SUN2: variants seen among roughly 807,000 people sequenced by gnomAD.
The protein encoded by SUN2 is Sad1 and UNC84 domain containing 2.
Under a neutral mutation model 100.0 loss-of-function variants are expected in SUN2, and 60 were observed. That is an observed-to-expected ratio of 0.60 (90% CI 0.49 to 0.74). SUN2 has a LOEUF of 0.74. Among genes scored for constraint, SUN2 ranks in the 30% least tolerant of loss-of-function variants. SUN2 has a pLI of 0.00. For synonymous variants in SUN2, 367 were observed against 403.3 expected, an observed-to-expected ratio of 0.91 and a Z score of 1.08; for missense variants, 834 against 954.6, an observed-to-expected ratio of 0.87 and a Z score of 1.66.
In SUN2 at chr22:38,735,303, A is replaced by G. The variant is rs1336229385; in HGVS notation, c.*964T>C. On this transcript the variant is annotated 3_prime_UTR_variant, in exon 18 of 18. Transcript: ENST00000689035. ...AGCCTGAGCGGACGACCCCTACATC[A>G]GGGCCTGGTTAGATGTGGGGGCCGG... The G allele has an allele frequency of 2.2e-6, 1 of 450,646 alleles. No individual in the cohort carries two copies. The highest frequency in any genetic ancestry group is 4.4e-6 in the Non-Finnish European group (1 of 224,956). 27.9% of individuals were successfully genotyped at this position (450,646 alleles called of 1,614,324 possible).
Position 38,741,045 on chromosome 22 carries a change from G to T in SUN2, c.1152C>A (p.Ser384=). 1.9e-6 allele frequency: 3 copies of T among 1,596,946 alleles called. No individual in the cohort carries two copies. Among genetic ancestry groups the T allele is most frequent in the East Asian group, 2.3e-5 (1 of 44,322 alleles). Residue 384 remains serine (S), a synonymous_variant, in exon 11 of 18, where the codon TCC becomes TCA. Transcript: ENST00000689035. ...FKKIVRASQE[S]EARIQQLKSE... Reference sequence around the variant, plus strand: ...ACTTCAGCTGCTGGATGCGAGCCTCGGACTCCTGTGTAGGAAGAAGGGACA... The same window carrying T: ...ACTTCAGCTGCTGGATGCGAGCCTCTGACTCCTGTGTAGGAAGAAGGGACA...
Position 38,750,297 on chromosome 22 carries a change from T to C in SUN2, c.448A>G (p.Ser150Gly). Reference sequence around the variant, plus strand: ...GCGCTTCGGAGCCGCGAGCTGGAACTCTGCTGGTCCACATCCGAGTAGCCT... The same window carrying C: ...GCGCTTCGGAGCCGCGAGCTGGAACCCTGCTGGTCCACATCCGAGTAGCCT... ...YVGYSDVDQQSSSSRLRSAVS... is the reference protein window; with the variant it reads ...YVGYSDVDQQGSSSRLRSAVS... The change falls in exon 5 of 18, where the codon AGT becomes GGT. Residue 150 changes from serine to glycine, a missense_variant. By Grantham distance (56) the Ser-to-Gly change is moderately conservative. Around this residue, in one of 3 missense-constraint regions of SUN2, gnomAD observed 559 missense variants for 597.7 expected, o/e 0.94. Coordinates refer to ENST00000689035, the MANE Select transcript of SUN2 (RefSeq NM_015374.3). 6.2e-7 allele frequency: 1 copy of C among 1,613,934 alleles called. No individual in the cohort carries two copies. Among genetic ancestry groups the C allele is most frequent in the Non-Finnish European group, 8.5e-7 (1 of 1,180,002 alleles).
chr22:38,742,707 G>A (rs896248739), intron 8 of SUN2, 152 bp from the exon 9 acceptor site: 2 of 1,024,570 alleles, frequency 2.0e-6, no homozygotes, highest in East Asian at 5.4e-5. Flanking sequence ...GGAGCTCGTG[G>A]GCAGGGGCTG....
chr22:38,735,165 C>T lies in SUN2; in HGVS notation c.*1102G>A, dbSNP rs1418421444. ...TCTAAAAGTCCCCTCCTCCCCCTTC[C>T]CTATCCAGGGTAACTTCTGCCAGCC... On this transcript the variant is annotated 3_prime_UTR_variant, in exon 18 of 18. Transcript: ENST00000689035. The T allele has an allele frequency of 2.3e-6, 1 of 442,842 alleles. No individual in the cohort carries two copies. The highest frequency in any genetic ancestry group is 7.0e-5 in the East Asian group (1 of 14,248). 27.4% of individuals were successfully genotyped at this position (442,842 alleles called of 1,614,324 possible).
At chr22:38,742,583 G>A (rs2092868803) in intron 8 of SUN2, 28 bp from the exon 9 acceptor site, 1 of 1,591,554 alleles carries the variant, frequency 6.3e-7, no homozygotes, top group Non-Finnish European at 8.6e-7. Context: ...GAGCCACGGA[G>A]TGAGGGACCC....
intron 8 of SUN2, among the ~76,000 whole-genome samples, chr22:38,744,865 C>T (rs181798095): frequency 6.6e-6 from 1 of 152,324 alleles, no homozygotes; most frequent in East Asian, 1.9e-4. Flanking sequence ...GTTATGCTGA[C>T]TGCAGGCTCC....
In SUN2 at chr22:38,752,613, G is replaced by A; in HGVS notation, c.16C>T (p.Gln6Ter). The A allele has an allele frequency of 6.2e-7, 1 of 1,613,842 alleles. No homozygotes were observed. The highest frequency in any genetic ancestry group is 8.5e-7 in the Non-Finnish European group (1 of 1,179,958). ...CCCTGGGAGTAGCGCGTGAGGCGCTGGCTTCTTCGGGACATGATGAGGTGG... is the reference window on the plus strand; with the variant it reads ...CCCTGGGAGTAGCGCGTGAGGCGCTAGCTTCTTCGGGACATGATGAGGTGG... MSRRS[Q>*]RLTRYSQGDD... Residue 6 changes from glutamine (Q) to a stop codon, truncating the protein, a stop_gained, in exon 2 of 18, where the codon CAG becomes TAG. Coordinates refer to ENST00000689035, the MANE Select transcript of SUN2 (RefSeq NM_015374.3). LOFTEE classifies it high-confidence loss of function.
rs139611023 is a variant in SUN2, at chr22:38,752,601, G to A, written c.28C>T (p.Arg10Cys). The A allele has an allele frequency of 1.6e-4, 259 of 1,613,948 alleles. No homozygotes were observed. In the African/African-American group the frequency reaches 1.9e-3, roughly 12 times the overall value. Residue 10 changes from arginine (R) to cysteine (C), a missense_variant, in exon 2 of 18, where the codon CGC becomes TGC. By Grantham distance (180) the Arg-to-Cys change is radical (BLOSUM62 -3). Around this residue, in one of 3 missense-constraint regions of SUN2, gnomAD observed 559 missense variants for 597.7 expected, o/e 0.94. Transcript: ENST00000689035. ...CCGTCATCGTCACCCTGGGAGTAGC[G>A]CGTGAGGCGCTGGCTTCTTCGGGAC... MSRRSQRLT[R>C]YSQGDDDGSS...
At position 38,750,235 on chromosome 22, in the gene SUN2, G is replaced by A; in HGVS notation, c.510C>T (p.Ala170=). 1.2e-6 allele frequency: 2 copies of A among 1,610,778 alleles called. No individual in the cohort carries two copies. Among genetic ancestry groups the A allele is most frequent in the Non-Finnish European group, 1.7e-6 (2 of 1,177,366 alleles). ...CGGGTTGCAGCCCACCTGGCGAAGT[G>A]GCCACCATCCAGAGTAAGGAGCCCG... ...SRAGSLLWMV[A]TSPGRLFRLL... The change falls in exon 5 of 18, where the codon GCC becomes GCT. Residue 170 remains alanine, a synonymous_variant. Transcript: ENST00000689035.
intron 1 of SUN2, among the ~76,000 whole-genome samples, chr22:38,752,901 T>A (rs1603231745): frequency 6.6e-6 from 1 of 152,240 alleles, no homozygotes; most frequent in Non-Finnish European, 1.5e-5. Flanking sequence ...ACTTCGTGAC[T>A]CTGGAGCCTC....
Position 38,740,461 on chromosome 22 carries a change from C to T in SUN2, c.1191-29G>A, listed in dbSNP as rs765630499. 18 of 1,445,444 alleles carry T rather than the reference C, an allele frequency of 1.2e-5. No individual in the cohort carries two copies. In the South Asian group the frequency reaches 2.3e-4, roughly 19 times the overall value. 89.5% of individuals were successfully genotyped at this position (1,445,444 alleles called of 1,614,324 possible). A position where few individuals can be genotyped will look rare whatever the true frequency, so the allele number is the denominator to read the frequency against. On this transcript the variant is annotated intron_variant, in intron 11 of 17. Transcript: ENST00000689035. This position sits in a 1 kb window ranked among gnomAD's most constrained non-coding sequence, Gnocchi z 4.8. ...GTCCCAGAGAGAGAAGAGTAAGCCT[C>T]GGATCTCTTTGGTGGGAGGTAAGGC...
In SUN2 at chr22:38,738,888, G is replaced by C. The variant is rs2092830212; in HGVS notation, c.1764C>G (p.Pro588=). 1 of 1,607,092 alleles carries C rather than the reference G, an allele frequency of 6.2e-7. No individual in the cohort carries two copies. Among genetic ancestry groups the C allele is most frequent in the Non-Finnish European group, 8.5e-7 (1 of 1,175,194 alleles). Residue 588 remains proline, a synonymous_variant, in exon 15 of 18, where the codon CCC becomes CCG. Transcript: ENST00000689035. The surrounding 1 kb of genome is among the most constrained non-coding windows in gnomAD (Gnocchi z 6.6). The part of the protein sequence containing the change: ...GIPLWYHSQS[P]RVILQPDVHP... ...AGGTGCCCACCTGGAGGATGACTCG[G>C]GGTGACTGGGAGTGGTACCACAGGG...
chr22:38,745,189 CA>C, intron 8 of SUN2: 1 of 471,112 alleles, frequency 2.1e-6, no homozygotes, highest in Non-Finnish European at 4.4e-6. Context: ...GCCGGGTGAG[CA>C]AAGTGCACAT....
In SUN2 at chr22:38,740,517, G is replaced by A; in HGVS notation, c.1191-85C>T. 2 of 1,375,608 alleles carry A rather than the reference G, an allele frequency of 1.5e-6. No individual in the cohort carries two copies. Among genetic ancestry groups the A allele is most frequent in the Non-Finnish European group, 9.5e-7 (1 of 1,048,380 alleles). The allele number at this position is 1,375,608 out of a possible 1,614,324, so 85.2% of individuals were successfully genotyped here. A position where few individuals can be genotyped will look rare whatever the true frequency, so the allele number is the denominator to read the frequency against. ...CAAAGATGAAAGAGGACCCCCTAGT[G>A]GGCTCCCGTCAGGAGAGCGGGTGCC... On this transcript the variant is annotated intron_variant, in intron 11 of 17. Transcript: ENST00000689035. The surrounding 1 kb of genome is among the most constrained non-coding windows in gnomAD (Gnocchi z 4.8).
intron 3 of SUN2, 63 bp from the exon 4 acceptor site, chr22:38,751,098 G>A (rs762460558): frequency 1.5e-5 from 24 of 1,610,180 alleles, no homozygotes; most frequent in Non-Finnish European, 1.9e-5. Flanking sequence ...GTGGGGTCTG[G>A]GCAGAGAGGT....
intron 10 of SUN2, 25 bp from the exon 11 acceptor site, chr22:38,741,075 C>T (rs1251942606): frequency 6.3e-7 from 1 of 1,585,718 alleles, no homozygotes; most frequent in Non-Finnish European, 8.6e-7. Flanking sequence ...GGGACAAATA[C>T]AAGAAATACT....
chr22:38,738,860 G>T lies in SUN2; in HGVS notation c.1779+13C>A. 1 of 1,598,772 alleles carries T rather than the reference G, an allele frequency of 6.3e-7. No individual in the cohort carries two copies. Among genetic ancestry groups the T allele is most frequent in the East Asian group, 2.2e-5 (1 of 44,620 alleles). ...GCTCAGAGCCCCCGCTGCTGTGCTTGCCAGGTGCCCACCTGGAGGATGACT... is the reference window on the plus strand; with the variant it reads ...GCTCAGAGCCCCCGCTGCTGTGCTTTCCAGGTGCCCACCTGGAGGATGACT... On this transcript the variant is annotated intron_variant, in intron 15 of 17. Transcript: ENST00000689035. This position sits in a 1 kb window ranked among gnomAD's most constrained non-coding sequence, Gnocchi z 6.6.
At chr22:38,750,136 T>C (rs2092933187) in intron 5 of SUN2, 89 bp downstream of exon 5, 1 of 1,537,426 alleles carries the variant, frequency 6.5e-7, no homozygotes, top group East Asian at 2.3e-5. Context: ...ACAGTCTCTC[T>C]GCATGGGCAG....
chr22:38,736,131 CT>C lies in SUN2; in HGVS notation c.*135del. ...TGCTGCTCAGGAGACCCTGCCCGTC[CT>C]TTTCATCTGCATGGGGCCACAGGCT... On this transcript the variant is annotated 3_prime_UTR_variant, in exon 18 of 18. Coordinates refer to ENST00000689035, the MANE Select transcript of SUN2 (RefSeq NM_015374.3). 4.7e-6 allele frequency: 4 copies of C among 860,072 alleles called. No individual in the cohort carries two copies. The highest frequency in any genetic ancestry group is 1.4e-5 in the South Asian group (1 of 69,680). 53.3% of individuals were successfully genotyped at this position (860,072 alleles called of 1,614,324 possible). A position where few individuals can be genotyped will look rare whatever the true frequency, so the allele number is the denominator to read the frequency against.
Sources: gnomAD v4.1 joint callset for allele counts (sites outside exome capture counted in the v4.1 genomes callset) on GRCh38, gnomAD v4.1.1 for gene constraint, gnomAD v4.1.1 regional missense constraint, Gnocchi (gnomAD v3.1) non-coding constraint, MANE v1.5 for transcripts, NCBI Gene and HGNC (gene_info 2026-07-23, HGNC 2026-07-21) for gene names.